RTP2: variants seen among roughly 807,000 people sequenced by gnomAD.
RTP2 encodes receptor-transporting protein 2.
RTP2 carries 12 observed loss-of-function variants against 17.9 expected under a neutral mutation model. That is an observed-to-expected ratio of 0.67 (90% CI 0.43 to 1.09). The LOEUF (loss-of-function observed/expected upper bound fraction) is 1.09, where lower values mean the gene tolerates loss of function less well. Ranked by LOEUF, RTP2 falls within the 50% of genes least tolerant of loss-of-function variation. The pLI is 0.00. For synonymous variants in RTP2, 126 were observed against 117.7 expected, an observed-to-expected ratio of 1.07 and a Z score of -0.46; for missense variants, 327 against 295.7, an observed-to-expected ratio of 1.11 and a Z score of -0.78.
At chr3:187,700,132 C>A (rs1021589503) in intron 1 of RTP2, among the ~76,000 whole-genome samples, 5 of 152,208 alleles carry the variant, frequency 3.3e-5, no homozygotes, top group African/African-American at 7.2e-5. Flanking sequence ...TTCAATCCAA[C>A]AGACACCATT....
chr3:187,708,439 G>A, the RTP2 span, among the ~76,000 whole-genome samples: 1,720 of 152,280 alleles, frequency 0.011, 35 homozygotes, highest in African/African-American at 0.039. Context: ...AGTCTGAGTG[G>A]GTGAAGAAAC....
At chr3:187,703,235 G>A (rs565869175), upstream of RTP2, among the ~76,000 whole-genome samples, 4 of 152,160 alleles carry the variant, frequency 2.6e-5, no homozygotes, top group Admixed American at 2.0e-4. Flanking sequence ...ATCATCTTAC[G>A]ATTCTTTAAC....
the RTP2 span, among the ~76,000 whole-genome samples, chr3:187,707,832 C>T: frequency 9.9e-5 from 15 of 152,148 alleles, no homozygotes; most frequent in South Asian, 2.1e-4. Context: ...ACACACTTGC[C>T]GTGAATTCTA....
intron 1 of RTP2, among the ~76,000 whole-genome samples, chr3:187,699,762 C>G (rs1440529141): frequency 1.4e-5 from 1 of 69,090 alleles, no homozygotes; most frequent in Non-Finnish European, 2.9e-5. Context: ...CACACACACA[C>G]ACACACACAC....
At chr3:187,713,405 G>A in the RTP2 span, among the ~76,000 whole-genome samples, 2 of 152,266 alleles carry the variant, frequency 1.3e-5, no homozygotes, top group South Asian at 2.1e-4. Flanking sequence ...ACAAAGAATT[G>A]GACAAAATGC....
chr3:187,699,268 T>C (rs1425692911), intron 1 of RTP2, among the ~76,000 whole-genome samples: 1 of 152,078 alleles, frequency 6.6e-6, no homozygotes, highest in Non-Finnish European at 1.5e-5. Context: ...AGAGCGTGCC[T>C]CCTGCGGTCT....
chr3:187,701,745 A>G (rs570011523), intron 1 of RTP2, among the ~76,000 whole-genome samples: 54 of 152,330 alleles, frequency 3.5e-4, no homozygotes, highest in African/African-American at 1.2e-3. Flanking sequence ...ACTAAGACCC[A>G]AAGATGGAAC....
chr3:187,702,275 T>C lies in RTP2; in HGVS notation c.-147A>G, dbSNP rs1350833369. Reference sequence around the variant, plus strand: ...AACAGGACCCAGCTCCCTCCTCTGTTACCCTGGAACCTGTTACCATGGTAG... The same window carrying C: ...AACAGGACCCAGCTCCCTCCTCTGTCACCCTGGAACCTGTTACCATGGTAG... On this transcript the variant is annotated 5_prime_UTR_variant, in exon 1 of 2. Transcript: ENST00000358241. The C allele has an allele frequency of 5.3e-6, 4 of 756,800 alleles. No homozygotes were observed. In the African/African-American group the frequency reaches 7.0e-5, roughly 13 times the overall value. The allele number at this position is 756,800 out of a possible 1,614,324, so 46.9% of individuals were successfully genotyped here. A position where few individuals can be genotyped will look rare whatever the true frequency, so the allele number is the denominator to read the frequency against.
At chr3:187,702,317 G>A in exon 1 of RTP2, 6 of 614,584 alleles carry the variant, frequency 9.8e-6, no homozygotes, top group South Asian at 3.8e-5. Flanking sequence ...AGGGCACCAA[G>A]AGTGAGGGCT....
At chr3:187,713,438 A>G in the RTP2 span, among the ~76,000 whole-genome samples, 1 of 152,254 alleles carries the variant, frequency 6.6e-6, no homozygotes, top group Non-Finnish European at 1.5e-5. Flanking sequence ...ATGAAAGAAT[A>G]AAGCAAAGAG....
the RTP2 span, among the ~76,000 whole-genome samples, chr3:187,709,464 T>A: frequency 6.6e-6 from 1 of 152,130 alleles, no homozygotes; most frequent in Non-Finnish European, 1.5e-5. Context: ...GGTGGGCAGA[T>A]CATGAAGTTA....
exon 1 of RTP2, chr3:187,702,345 C>T (rs1013534808): frequency 3.4e-6 from 2 of 582,014 alleles, no homozygotes; most frequent in Non-Finnish European, 6.2e-6. Flanking sequence ...AGGGAAGCCC[C>T]AAGGGGGAGT....
At chr3:187,701,583 A>G (rs1717848184) in intron 1 of RTP2, among the ~76,000 whole-genome samples, 1 of 152,208 alleles carries the variant, frequency 6.6e-6, no homozygotes, top group Non-Finnish European at 1.5e-5. Flanking sequence ...CTAGGAACAG[A>G]GCATAGCTGT....
chr3:187,699,760 CACACACACACACACACACACACAT>C (rs1553830575), intron 1 of RTP2, among the ~76,000 whole-genome samples: 24,096 of 91,338 alleles, frequency 0.26, 2,581 homozygotes, highest in African/African-American at 0.42. Flanking sequence ...CACACACACA[CACACACACACACACACACACACAT>C]ATATTTTCTC....
At position 187,701,393 on chromosome 3, in the gene RTP2, T is replaced by C. The variant is rs142511524; in HGVS notation, c.164+572A>G. On this transcript the variant is annotated intron_variant, in intron 1 of 1. Transcript: ENST00000358241. ...GATAATAGAGCTAGAGTGGATTGGA[T>C]CTATTATCTAAGACCAACCCCCTCA... is the stretch of plus-strand genomic sequence containing the variant. 2.2e-4 allele frequency among the ~76,000 whole-genome samples: 33 copies of C among 152,290 alleles called. No individual in the cohort carries two copies. In the East Asian group the frequency reaches 6.4e-3, roughly 29 times the overall value.
chr3:187,710,237 A>AGCCTCTG, the RTP2 span, among the ~76,000 whole-genome samples: 1 of 152,102 alleles, frequency 6.6e-6, no homozygotes, highest in Non-Finnish European at 1.5e-5. Context: ...CTACAAGATC[A>AGCCTCTG]GCTCTCTGGC....
chr3:187,702,185 G>T lies in RTP2; in HGVS notation c.-57C>A. On this transcript the variant is annotated 5_prime_UTR_variant, in exon 1 of 2. The change creates a premature stop within an existing upstream ORF in the 5' untranslated region. Coordinates refer to ENST00000358241, the Ensembl canonical transcript of RTP2. ...CAGCCCTGGTGAGAACACAGAAAGA[G>T]CACGGATAGGTACGGGACAATTCAG... 1 of 1,518,380 alleles carries T rather than the reference G, an allele frequency of 6.6e-7. No individual in the cohort carries two copies. Among genetic ancestry groups the T allele is most frequent in the Non-Finnish European group, 9.0e-7 (1 of 1,115,486 alleles). The allele number at this position is 1,518,380 out of a possible 1,614,324, so 94.1% of individuals were successfully genotyped here.
the RTP2 span, among the ~76,000 whole-genome samples, chr3:187,707,924 C>T: frequency 2.0e-5 from 3 of 152,100 alleles, no homozygotes; most frequent in Non-Finnish European, 4.4e-5. Flanking sequence ...AAAGTGTTCT[C>T]TAGGGAGAAC....
chr3:187,700,082 T>C lies in RTP2; in HGVS notation c.165-1071A>G, dbSNP rs199663839. Among the ~76,000 whole-genome samples, 4 of 152,280 alleles carry C rather than the reference T, an allele frequency of 2.6e-5. No individual in the cohort carries two copies. In the East Asian group the frequency reaches 5.8e-4, roughly 22 times the overall value. ...TCATCACTGGCCCTTTCTGGATCCA[T>C]TGTATGATGGCCTTGAAGGACTTCT... On this transcript the variant is annotated intron_variant, in intron 1 of 1. Transcript: ENST00000358241.
Sources: gnomAD v4.1 joint callset for allele counts (sites outside exome capture counted in the v4.1 genomes callset) on GRCh38, gnomAD v4.1.1 for gene constraint, MANE v1.5 for transcripts, NCBI Gene and HGNC (gene_info 2026-07-23, HGNC 2026-07-21) for gene names.